ARHGAP35: variants seen among roughly 807,000 people sequenced by gnomAD.
ARHGAP35 encodes the protein rho GTPase-activating protein 35.
In ARHGAP35, 15 loss-of-function variants were observed where a neutral mutation model predicts 111.1. The ratio of observed to expected loss-of-function variants is 0.13; its 90% CI spans 0.09 to 0.21. The LOEUF (loss-of-function observed/expected upper bound fraction) is 0.21. Ranked by LOEUF, ARHGAP35 falls within the 10% of genes least tolerant of loss-of-function variation. The pLI, the probability that ARHGAP35 is intolerant of heterozygous loss-of-function variation, is 1.00. For synonymous variants in ARHGAP35, 643 were observed against 710.3 expected (o/e 0.91, Z 1.51); for missense variants, 1,262 against 1,873.0 (o/e 0.67, Z 6.02).
chr19:46,887,953 CTT>C (rs775973443), intron 1 of ARHGAP35, among the ~76,000 whole-genome samples: 5 of 137,826 alleles, frequency 3.6e-5, no homozygotes, highest in Admixed American at 7.4e-5. Flanking sequence ...AGTACTTTGC[CTT>C]TTTTTTTTTT....
At chr19:46,862,815 T>A (rs965164534) in intron 1 of ARHGAP35, among the ~76,000 whole-genome samples, 20 of 152,194 alleles carry the variant, frequency 1.3e-4, no homozygotes, top group African/African-American at 4.3e-4. Context: ...CCCACCATTT[T>A]GATTCAGCCC....
At chr19:46,866,184 A>G (rs2055855617) in intron 1 of ARHGAP35, among the ~76,000 whole-genome samples, 1 of 152,126 alleles carries the variant, frequency 6.6e-6, no homozygotes, top group South Asian at 2.1e-4. Context: ...TCATCACAGC[A>G]CTATCCATGA....
At chr19:46,952,345 T>G (rs998904200) in intron 3 of ARHGAP35, among the ~76,000 whole-genome samples, 2 of 152,236 alleles carry the variant, frequency 1.3e-5, no homozygotes, top group African/African-American at 4.8e-5. Flanking sequence ...CAAAATGATT[T>G]GAAAGCAGGA....
chr19:46,980,297 A>C (rs1388965360), intron 3 of ARHGAP35, among the ~76,000 whole-genome samples: 1 of 152,154 alleles, frequency 6.6e-6, no homozygotes, highest in African/African-American at 2.4e-5. Flanking sequence ...AAGCAGGAGA[A>C]TCGCTGGAAC....
intron 3 of ARHGAP35, among the ~76,000 whole-genome samples, chr19:46,972,157 C>A (rs1427607816): frequency 6.6e-6 from 1 of 152,166 alleles, no homozygotes; most frequent in Non-Finnish European, 1.5e-5. Flanking sequence ...TACAGGCGTG[C>A]ATCAGCACGC....
At chr19:46,867,755 TTTTTTG>T (rs2055866274) in intron 1 of ARHGAP35, among the ~76,000 whole-genome samples, 2 of 151,806 alleles carry the variant, frequency 1.3e-5, no homozygotes, top group Non-Finnish European at 1.5e-5. Context: ...GGTGCTAAAG[TTTTTTG>T]TTGTTGTTGT....
chr19:46,882,709 G>A (rs1599797478), intron 1 of ARHGAP35, among the ~76,000 whole-genome samples: 1 of 152,142 alleles, frequency 6.6e-6, no homozygotes, highest in East Asian at 1.9e-4. Flanking sequence ...GTGTCCATAT[G>A]TTCTCATTGT....
chr19:46,989,106 C>T lies in ARHGAP35; in HGVS notation c.3905-438C>T, dbSNP rs980717437. On this transcript the variant is annotated intron_variant, in intron 4 of 6. Transcript: ENST00000672722. This position sits in a 1 kb window ranked among gnomAD's most constrained non-coding sequence, Gnocchi z 5.3. Reference sequence around the variant, plus strand: ...AAAATGAGCCTATTTGCCCTCCCACCATAGGGGACAAGGATGGAGGCAGCA... The same window carrying T: ...AAAATGAGCCTATTTGCCCTCCCACTATAGGGGACAAGGATGGAGGCAGCA... 5.9e-6 allele frequency: 1 copy of T among 169,652 alleles called. No individual in the cohort carries two copies. Among genetic ancestry groups the T allele is most frequent in the Non-Finnish European group, 1.3e-5 (1 of 77,356 alleles). 10.5% of individuals were successfully genotyped at this position (169,652 alleles called of 1,614,324 possible). A position where few individuals can be genotyped will look rare whatever the true frequency, so the allele number is the denominator to read the frequency against.
intron 1 of ARHGAP35, among the ~76,000 whole-genome samples, chr19:46,874,039 G>T (rs1014597827): frequency 1.1e-4 from 16 of 152,158 alleles, no homozygotes; most frequent in African/African-American, 2.4e-4. Flanking sequence ...GAGCCACCTC[G>T]CCTGGCTAAG....
Position 46,921,834 on chromosome 19 carries a change from G to A in ARHGAP35, c.3159G>A (p.Lys1053=), listed in dbSNP as rs755491680. ...CTCCTGTCCATTTTGAAATTACAAA[G>A]GGGGATCTATCTTATTTAGACCAAG... ...PKPPVHFEIT[K]GDLSYLDQGH... is the part of the protein sequence containing the mutation. Residue 1053 remains lysine (K), a synonymous_variant, in exon 2 of 7, where the codon AAG becomes AAA. Transcript: ENST00000672722. This position sits in a 1 kb window ranked among gnomAD's most constrained non-coding sequence, Gnocchi z 4.3. 3.7e-6 allele frequency: 6 copies of A among 1,613,858 alleles called. No homozygotes were observed. In the African/African-American group the frequency reaches 4.0e-5, roughly 11 times the overall value.
chr19:46,886,374 A>C (rs2055993272), intron 1 of ARHGAP35, among the ~76,000 whole-genome samples: 1 of 151,900 alleles, frequency 6.6e-6, no homozygotes, highest in South Asian at 2.1e-4. Context: ...GATCTAGACT[A>C]TGCTCCGTAA....
intron 1 of ARHGAP35, among the ~76,000 whole-genome samples, chr19:46,874,208 G>A (rs1053733662): frequency 6.6e-6 from 1 of 152,114 alleles, no homozygotes; most frequent in Non-Finnish European, 1.5e-5. Flanking sequence ...TATCTACAAG[G>A]TTTAGAGTGC....
In ARHGAP35 at chr19:46,920,291, A is replaced by G; in HGVS notation, c.1616A>G (p.Glu539Gly). 1 of 1,614,030 alleles carries G rather than the reference A, an allele frequency of 6.2e-7. No individual in the cohort carries two copies. Among genetic ancestry groups the G allele is most frequent in the Non-Finnish European group, 8.5e-7 (1 of 1,179,898 alleles). The change falls in exon 2 of 7, where the codon GAG becomes GGG. Residue 539 changes from glutamate (E) to glycine (G), a missense_variant. Glu to Gly is a moderately conservative substitution (Grantham distance 98). Coordinates refer to ENST00000672722, the MANE Select transcript of ARHGAP35 (RefSeq NM_004491.5). The surrounding 1 kb of genome is among the most constrained non-coding windows in gnomAD (Gnocchi z 7.0). The part of the protein sequence containing the change: ...RFKALQKLQA[E>G]RDALILKHIH... Reference sequence around the variant, plus strand: ...AAAGCATTACAAAAGCTCCAAGCAGAGCGTGATGCCCTTATTCTGAAACAC... The same window carrying G: ...AAAGCATTACAAAAGCTCCAAGCAGGGCGTGATGCCCTTATTCTGAAACAC...
chr19:46,958,909 G>T (rs972369653), intron 3 of ARHGAP35, among the ~76,000 whole-genome samples: 4 of 152,152 alleles, frequency 2.6e-5, no homozygotes, highest in African/African-American at 9.7e-5. Flanking sequence ...TGAGGTCACA[G>T]ATGTCTCCAG....
chr19:46,973,273 G>C (rs2056561101), intron 3 of ARHGAP35, among the ~76,000 whole-genome samples: 1 of 152,210 alleles, frequency 6.6e-6, no homozygotes, highest in Admixed American at 6.5e-5. Context: ...TGAGGCAGGA[G>C]AATCTGCTTG....
At chr19:46,938,820 G>A (rs1192640831) in intron 3 of ARHGAP35, among the ~76,000 whole-genome samples, 2 of 151,772 alleles carry the variant, frequency 1.3e-5, no homozygotes, top group Non-Finnish European at 2.9e-5. Flanking sequence ...ACCATGCCCG[G>A]CTAATTTTTG....
chr19:46,914,403 G>A (rs1446151303), intron 1 of ARHGAP35, among the ~76,000 whole-genome samples: 13 of 152,106 alleles, frequency 8.5e-5, no homozygotes, highest in Non-Finnish European at 1.5e-5. Flanking sequence ...TTGAGGCCAG[G>A]AGTTTGAGAC....
intron 3 of ARHGAP35, among the ~76,000 whole-genome samples, chr19:46,941,735 T>A (rs2056348199): frequency 6.6e-6 from 1 of 151,168 alleles, no homozygotes; most frequent in Non-Finnish European, 1.5e-5. Flanking sequence ...AATTTTTGTA[T>A]TTTTTGTGGA....
At chr19:46,981,814 A>T (rs1160543147) in intron 3 of ARHGAP35, among the ~76,000 whole-genome samples, 1 of 143,742 alleles carries the variant, frequency 7.0e-6, no homozygotes, top group Non-Finnish European at 1.5e-5. Flanking sequence ...ATGTCACCAA[A>T]GTATTTTTTG....
Sources: allele counts gnomAD v4.1 joint callset (sites outside exome capture counted in the v4.1 genomes callset), GRCh38; gene constraint gnomAD v4.1.1; non-coding constraint Gnocchi (gnomAD v3.1); transcripts MANE v1.5; gene names NCBI Gene and HGNC (gene_info 2026-07-23, HGNC 2026-07-21).